C16orf96: variants seen among roughly 807,000 people sequenced by gnomAD.
C16orf96 encodes uncharacterized protein C16orf96.
Under a neutral mutation model 103.6 loss-of-function variants are expected in C16orf96, and 108 were observed. The observed-to-expected ratio is 1.04, with a 90% CI of 0.89 to 1.22. The LOEUF (loss-of-function observed/expected upper bound fraction) is 1.22, where lower values mean the gene tolerates loss of function less well. Among genes scored for constraint, C16orf96 ranks in the 50% most tolerant of loss-of-function variants. The pLI is 0.00. For missense variants in C16orf96, 1,586 were observed against 1,464.2 expected (o/e 1.08, Z -1.36); for synonymous variants, 566 against 593.5 (o/e 0.95, Z 0.67).
At position 4,576,166 on chromosome 16, in the gene C16orf96, C is replaced by T; in HGVS notation, c.1686C>T (p.His562=). 2 of 1,551,100 alleles carry T rather than the reference C, an allele frequency of 1.3e-6. No individual in the cohort carries two copies. Among genetic ancestry groups the T allele is most frequent in the South Asian group, 1.2e-5 (1 of 84,066 alleles). The change falls in exon 5 of 16, where the codon CAC becomes CAT. Residue 562 remains histidine, a synonymous_variant. Coordinates refer to ENST00000444310, the MANE Select transcript of C16orf96 (RefSeq NM_001145011.2). ...AQPKAPQSAL[H]RLKTTAAIAA... ...CTAAGGCTCCCCAGTCTGCCCTTCA[C>T]CGGCTGAAAACCACCGCTGCCATCG...
chr16:4,545,155 A>G, the C16orf96 span, among the ~76,000 whole-genome samples: 1 of 152,070 alleles, frequency 6.6e-6, no homozygotes. Context: ...GCTCTTCTGA[A>G]TCCTCTCCCC....
chr16:4,588,701 CTTTTTT>C (rs35941814), intron 9 of C16orf96, among the ~76,000 whole-genome samples: 24 of 80,292 alleles, frequency 3.0e-4, no homozygotes, highest in African/African-American at 4.0e-4. Flanking sequence ...GCAGCAATGT[CTTTTTT>C]TTTTTTTTTT....
At chr16:4,600,078 G>A in intron 15 of C16orf96, 22 bp from the exon 16 acceptor site, 25 of 1,547,112 alleles carry the variant, frequency 1.6e-5, no homozygotes, top group Non-Finnish European at 2.2e-5. Context: ...ACACATCTAG[G>A]GTTTCTCCTG....
chr16:4,583,564 A>G (rs1305657672), intron 7 of C16orf96, among the ~76,000 whole-genome samples: 1 of 152,158 alleles, frequency 6.6e-6, no homozygotes, highest in African/African-American at 2.4e-5. Flanking sequence ...AATGGTTTGT[A>G]TTACCAATAG....
chr16:4,549,744 G>A, the C16orf96 span, among the ~76,000 whole-genome samples: 6 of 152,118 alleles, frequency 3.9e-5, no homozygotes, highest in Non-Finnish European at 7.3e-5. Flanking sequence ...GTTGCAGTGA[G>A]CCAAGACCTG....
Position 4,576,576 on chromosome 16 carries a change from C to G in C16orf96, c.2096C>G (p.Ser699Cys). The part of the protein sequence containing the change: ...HIAQIPVKHD[S>C]LKEEFAQLSC... ...GCCCAGATACCTGTCAAACACGACT[C>G]TCTGAAGGAAGAATTTGCCCAGCTG... Residue 699 changes from serine to cysteine, a missense_variant, in exon 5 of 16, where the codon TCT (serine) becomes TGT (cysteine). Coordinates refer to ENST00000444310, the MANE Select transcript of C16orf96 (RefSeq NM_001145011.2). 5 of 1,551,598 alleles carry G rather than the reference C, an allele frequency of 3.2e-6. No individual in the cohort carries two copies. Among genetic ancestry groups the G allele is most frequent in the Non-Finnish European group, 4.4e-6 (5 of 1,146,990 alleles).
At position 4,580,139 on chromosome 16, in the gene C16orf96, G is replaced by A. The variant is rs1434953307; in HGVS notation, c.2352+14G>A. 1 of 1,483,544 alleles carries A rather than the reference G, an allele frequency of 6.7e-7. No individual in the cohort carries two copies. Among genetic ancestry groups the A allele is most frequent in the Non-Finnish European group, 9.0e-7 (1 of 1,111,618 alleles). The allele number at this position is 1,483,544 out of a possible 1,614,324, so 91.9% of individuals were successfully genotyped here. The stretch of plus-strand genomic sequence containing the variant: ...GATGAGTTCAAGGTTAGGAGGACTG[G>A]GTAGGCTGGAGAAGGGCTGGCAAAG... On this transcript the variant is annotated intron_variant, in intron 7 of 15. Coordinates refer to ENST00000444310, the MANE Select transcript of C16orf96 (RefSeq NM_001145011.2).
At chr16:4,596,484 C>CAAA (rs35069884) in intron 14 of C16orf96, among the ~76,000 whole-genome samples, 27 of 118,450 alleles carry the variant, frequency 2.3e-4, no homozygotes, top group African/African-American at 3.1e-4. Flanking sequence ...GACTTCGTCT[C>CAAA]AAAAAAAAAA....
At chr16:4,554,901 T>C (rs1219078430), upstream of C16orf96, among the ~76,000 whole-genome samples, 2 of 151,616 alleles carry the variant, frequency 1.3e-5, no homozygotes, top group East Asian at 4.0e-4. Flanking sequence ...AGTGCTGGGA[T>C]TACAGGCGTG....
chr16:4,542,702 G>T, the C16orf96 span, among the ~76,000 whole-genome samples: 1 of 152,122 alleles, frequency 6.6e-6, no homozygotes, highest in Admixed American at 6.6e-5. Context: ...GGAGGCTGAG[G>T]CAGGAGAATA....
intron 2 of C16orf96, among the ~76,000 whole-genome samples, chr16:4,573,256 G>A (rs1256241514): frequency 6.6e-6 from 1 of 151,808 alleles, no homozygotes; most frequent in Non-Finnish European, 1.5e-5. Flanking sequence ...TGGCCAACAT[G>A]GTAAAACCCC....
chr16:4,584,050 G>T (rs1431596389), intron 7 of C16orf96, among the ~76,000 whole-genome samples: 2 of 152,026 alleles, frequency 1.3e-5, no homozygotes, highest in East Asian at 3.8e-4. Flanking sequence ...ACCATTTCAA[G>T]GAATAACAGT....
intron 1 of C16orf96, among the ~76,000 whole-genome samples, chr16:4,571,300 G>A (rs528210617): frequency 2.8e-4 from 42 of 152,292 alleles, no homozygotes; most frequent in African/African-American, 7.5e-4. Flanking sequence ...AAGAAAGGGC[G>A]TGAGATGCTT....
At chr16:4,544,726 C>T in the C16orf96 span, among the ~76,000 whole-genome samples, 2 of 152,188 alleles carry the variant, frequency 1.3e-5, no homozygotes, top group Non-Finnish European at 2.9e-5. Flanking sequence ...CTCATAGTGC[C>T]TGGCACACAG....
the C16orf96 span, among the ~76,000 whole-genome samples, chr16:4,547,688 C>CTTT: frequency 0.021 from 464 of 21,818 alleles, 5 homozygotes; most frequent in Middle Eastern, 0.023. Flanking sequence ...TTCCTTCCTT[C>CTTT]CTTCTTTCTT....
intron 2 of C16orf96, among the ~76,000 whole-genome samples, chr16:4,572,288 C>G (rs1001484644): frequency 6.9e-6 from 1 of 144,088 alleles, no homozygotes; most frequent in Non-Finnish European, 1.5e-5. Flanking sequence ...TCTAGGTACT[C>G]ATGCAATACT....
intron 9 of C16orf96, 97 bp from the exon 10 acceptor site, chr16:4,591,569 C>G (rs1897059573): frequency 1.0e-6 from 1 of 956,136 alleles, no homozygotes; most frequent in South Asian, 1.4e-5. Context: ...TTTGTTACAC[C>G]GTGTAACTTC....
chr16:4,583,759 C>A (rs1353039038), intron 7 of C16orf96, among the ~76,000 whole-genome samples: 1 of 151,356 alleles, frequency 6.6e-6, no homozygotes, highest in Non-Finnish European at 1.5e-5. Context: ...CGTGTCTCTA[C>A]TAAAAATACA....
At chr16:4,567,280 C>CTTTTTT (rs71139642) in intron 1 of C16orf96, among the ~76,000 whole-genome samples, 16 of 62,598 alleles carry the variant, frequency 2.6e-4, no homozygotes, top group Middle Eastern at 0.014. Flanking sequence ...TATTTCTTTT[C>CTTTTTT]TTTTTTTTTT....
Sources: allele counts gnomAD v4.1 joint callset (sites outside exome capture counted in the v4.1 genomes callset), GRCh38; gene constraint gnomAD v4.1.1; transcripts MANE v1.5; gene names NCBI Gene and HGNC (gene_info 2026-07-23, HGNC 2026-07-21).